Variants in GREB1L observed in about 807,000 individuals in gnomAD.
GREB1L encodes the protein GREB1-like protein.
Under a neutral mutation model 200.8 loss-of-function variants are expected in GREB1L, and 17 were observed. That is an observed-to-expected ratio of 0.08 (90% CI 0.06 to 0.13). GREB1L has a LOEUF of 0.13. GREB1L is among the 10% of genes least tolerant of loss of function. The probability of loss-of-function intolerance (pLI) is 1.00; values close to 1 mark genes in which losing one functional copy is unlikely to be tolerated. For missense variants in GREB1L, 1,657 were observed against 2,367.7 expected (o/e 0.70, Z 6.23); for synonymous variants, 789 against 893.0 (o/e 0.88, Z 2.08).
At chr18:21,266,719 G>A (rs532977989) in intron 1 of GREB1L, among the ~76,000 whole-genome samples, 1 of 152,298 alleles carries the variant, frequency 6.6e-6, no homozygotes, top group African/African-American at 2.4e-5. Context: ...AGCAATAAGA[G>A]ACTTTGAAAA....
At chr18:21,418,724 C>T (rs974158813) in intron 7 of GREB1L, among the ~76,000 whole-genome samples, 18 of 152,024 alleles carry the variant, frequency 1.2e-4, no homozygotes, top group Admixed American at 3.3e-4. Context: ...AGGGTTTCAC[C>T]ATGTTGGCCA....
rs150224499 is a variant in GREB1L, at chr18:21,311,478, A to G, written c.-119-54549A>G. Among the ~76,000 whole-genome samples, 113 of 152,300 alleles carry G rather than the reference A, an allele frequency of 7.4e-4. 1 individual carries two copies. The East Asian group carries it at 0.021, about 28-fold the overall frequency. ...TAGCAGATGGGTGTTCCTCTTTGCA[A>G]ATGAACATATTTCCACAAATGAGTC... On this transcript the variant is annotated intron_variant, in intron 1 of 32. Coordinates refer to ENST00000424526, the MANE Select transcript of GREB1L (RefSeq NM_001142966.3).
intron 5 of GREB1L, among the ~76,000 whole-genome samples, chr18:21,399,809 A>T (rs149537463): frequency 6.6e-6 from 1 of 152,326 alleles, no homozygotes; most frequent in African/African-American, 2.4e-5. Flanking sequence ...CTCAATAAAT[A>T]GTTGTTGATT....
At chr18:21,319,328 C>G (rs549866468) in intron 1 of GREB1L, among the ~76,000 whole-genome samples, 1 of 152,190 alleles carries the variant, frequency 6.6e-6, no homozygotes, top group Non-Finnish European at 1.5e-5. Context: ...CTCTTTCTTT[C>G]GGTTAACCAA....
In GREB1L at chr18:21,383,652, A is replaced by G. The variant is rs1314144390; in HGVS notation, c.134A>G (p.Asp45Gly). ...PIFSQLYLDP[D>G]QHPFSSADVK... Reference sequence around the variant, plus strand: ...TTTTCCCAGCTATACCTGGACCCTGACCAGCATCCTTTCTCATCTGCAGGT... The same window carrying G: ...TTTTCCCAGCTATACCTGGACCCTGGCCAGCATCCTTTCTCATCTGCAGGT... The change falls in exon 3 of 33, where the codon GAC becomes GGC. Residue 45 changes from aspartate to glycine, a missense_variant. Around this residue, in one of 9 missense-constraint regions of GREB1L, gnomAD observed 121 missense variants for 126.6 expected, o/e 0.96. Transcript: ENST00000424526. 1 of 1,550,824 alleles carries G rather than the reference A, an allele frequency of 6.4e-7. No individual in the cohort carries two copies. Among genetic ancestry groups the G allele is most frequent in the South Asian group, 1.2e-5 (1 of 83,846 alleles).
At chr18:21,380,552 A>T (rs2040261553) in intron 2 of GREB1L, 1 of 152,256 alleles carries the variant, frequency 6.6e-6, no homozygotes, top group African/African-American at 2.4e-5. Flanking sequence ...CTGTACAGTA[A>T]GAGTGCGGGC....
intron 21 of GREB1L, 150 bp downstream of exon 21, chr18:21,496,848 G>GGTCT: frequency 1.3e-6 from 1 of 793,532 alleles, no homozygotes; most frequent in Non-Finnish European, 2.0e-6. Flanking sequence ...GCTCCAGGTG[G>GGTCT]GAGATGCTTG....
At chr18:21,394,908 A>G (rs1482529945) in intron 4 of GREB1L, among the ~76,000 whole-genome samples, 2 of 148,870 alleles carry the variant, frequency 1.3e-5, no homozygotes, top group Non-Finnish European at 3.0e-5. Flanking sequence ...AGCCTGGCCA[A>G]CATGGGGAAG....
intron 15 of GREB1L, among the ~76,000 whole-genome samples, chr18:21,464,976 TA>T (rs1470821430): frequency 3.9e-5 from 6 of 152,224 alleles, no homozygotes; most frequent in Admixed American, 2.6e-4. Flanking sequence ...ATAATTCATT[TA>T]TTTTTTAGTG....
At position 21,501,210 on chromosome 18, in the gene GREB1L, C is replaced by T. The variant is rs373815493; in HGVS notation, c.4072+568C>T. 3.3e-5 allele frequency among the ~76,000 whole-genome samples: 5 copies of T among 150,548 alleles called. No individual in the cohort carries two copies. The East Asian group carries it at 5.8e-4, about 17-fold the overall frequency. On this transcript the variant is annotated intron_variant, in intron 23 of 32. Coordinates refer to ENST00000424526, the MANE Select transcript of GREB1L (RefSeq NM_001142966.3). The stretch of plus-strand genomic sequence containing the variant: ...CTTTTAGCCTCTTTACAATGTCCTG[C>T]GAGGTGCTGGGCAAAAAGGCGTTTT...
At chr18:21,452,321 C>A in intron 14 of GREB1L, 104 bp downstream of exon 14, 2 of 1,125,932 alleles carry the variant, frequency 1.8e-6, no homozygotes, top group Non-Finnish European at 2.5e-6. Flanking sequence ...TCACAGACCA[C>A]AACAGCCTTT....
At chr18:21,430,377 G>T (rs2033043626) in intron 7 of GREB1L, among the ~76,000 whole-genome samples, 3 of 149,470 alleles carry the variant, frequency 2.0e-5, no homozygotes, top group South Asian at 4.3e-4. Context: ...CTAAAGACTT[G>T]TCAATTTTGT....
In GREB1L at chr18:21,521,031, A is replaced by G. The variant is rs573753530; in HGVS notation, c.5608+208A>G. Among the ~76,000 whole-genome samples, 94 of 152,090 alleles carry G rather than the reference A, an allele frequency of 6.2e-4. No individual in the cohort carries two copies. In the South Asian group the frequency reaches 7.5e-3, roughly 12 times the overall value. On this transcript the variant is annotated intron_variant, in intron 32 of 32. Transcript: ENST00000424526. ...CTAGCATGGTGAAACCGTCTCTACT[A>G]AAAAATACAACAAAAATTAGCCAGG...
At chr18:21,474,161 A>C (rs1421241809) in intron 16 of GREB1L, among the ~76,000 whole-genome samples, 1 of 152,192 alleles carries the variant, frequency 6.6e-6, no homozygotes, top group Non-Finnish European at 1.5e-5. Flanking sequence ...TGCCTTCCCA[A>C]CAGTCTCCCA....
chr18:21,392,575 C>T (rs573159320), intron 4 of GREB1L, among the ~76,000 whole-genome samples: 1 of 151,986 alleles, frequency 6.6e-6, no homozygotes, highest in Non-Finnish European at 1.5e-5. Flanking sequence ...TTTAAATTGA[C>T]TTTTATTAAT....
At chr18:21,371,919 G>A (rs915176719) in intron 2 of GREB1L, among the ~76,000 whole-genome samples, 2 of 151,986 alleles carry the variant, frequency 1.3e-5, no homozygotes, top group Non-Finnish European at 2.9e-5. Flanking sequence ...GAAATTGAAA[G>A]TACTGTCTCC....
intron 7 of GREB1L, among the ~76,000 whole-genome samples, chr18:21,430,534 T>C (rs2033054905): frequency 6.6e-6 from 1 of 151,348 alleles, no homozygotes; most frequent in African/African-American, 2.4e-5. Flanking sequence ...TTCTAGTTTC[T>C]TAAGGTGATT....
intron 7 of GREB1L, among the ~76,000 whole-genome samples, chr18:21,425,564 G>A (rs1041826753): frequency 3.3e-5 from 5 of 152,250 alleles, no homozygotes; most frequent in Admixed American, 6.5e-5. Context: ...GTTAATGTCT[G>A]TTTTTATTAT....
At chr18:21,519,711 A>G (rs1281832467) in intron 31 of GREB1L, among the ~76,000 whole-genome samples, 1 of 152,198 alleles carries the variant, frequency 6.6e-6, no homozygotes. Flanking sequence ...ACAGATGAGG[A>G]AACTGAGGTA....
Sources: gnomAD v4.1 joint callset for allele counts (sites outside exome capture counted in the v4.1 genomes callset) on GRCh38, gnomAD v4.1.1 for gene constraint, gnomAD v4.1.1 regional missense constraint, MANE v1.5 for transcripts, NCBI Gene and HGNC (gene_info 2026-07-23, HGNC 2026-07-21) for gene names.